Variants in MAGI1 observed in about 807,000 individuals in gnomAD.
MAGI1 encodes the protein membrane associated guanylate kinase, WW and PDZ domain containing 1.
MAGI1 carries 58 observed loss-of-function variants against 139.9 expected under a neutral mutation model. The observed-to-expected ratio is 0.41, with a 90% CI of 0.34 to 0.52. The LOEUF is 0.52. Among genes scored for constraint, MAGI1 ranks in the 20% least tolerant of loss-of-function variants. The pLI is 0.12. For missense variants in MAGI1, 1,874 were observed against 1,901.6 expected (o/e 0.99, Z 0.27); for synonymous variants, 812 against 737.9 (o/e 1.10, Z -1.63).
intron 2 of MAGI1, among the ~76,000 whole-genome samples, chr3:65,555,223 C>A (rs1576306512): frequency 6.6e-6 from 1 of 152,174 alleles, no homozygotes. Flanking sequence ...CCATGCTAGG[C>A]CCTTCCAGAG....
chr3:65,508,025 C>A (rs1324959239), intron 2 of MAGI1, among the ~76,000 whole-genome samples: 1 of 152,142 alleles, frequency 6.6e-6, no homozygotes, highest in Non-Finnish European at 1.5e-5. Flanking sequence ...GGTCTTTACC[C>A]ACACTGACTT....
At chr3:65,994,273 C>CAAAAAAAAAA (rs35940908) in intron 1 of MAGI1, among the ~76,000 whole-genome samples, 6 of 109,376 alleles carry the variant, frequency 5.5e-5, no homozygotes, top group African/African-American at 2.3e-4. Flanking sequence ...GACTCCATCT[C>CAAAAAAAAAA]AAAAAAAAAA....
intron 5 of MAGI1, among the ~76,000 whole-genome samples, chr3:65,466,961 C>T (rs1007688203): frequency 6.6e-6 from 1 of 152,184 alleles, no homozygotes; most frequent in African/African-American, 2.4e-5. Flanking sequence ...TGTAGGATGC[C>T]CCTTTCCTGA....
chr3:65,704,026 G>A (rs548084531), intron 1 of MAGI1, among the ~76,000 whole-genome samples: 18 of 152,208 alleles, frequency 1.2e-4, no homozygotes, highest in Middle Eastern at 3.4e-3. Flanking sequence ...CTTACTTTGC[G>A]TTTTAAGGGT....
chr3:65,386,394 C>T lies in MAGI1; in HGVS notation c.2417-2771G>A, dbSNP rs184578928. Among the ~76,000 whole-genome samples the T allele has an allele frequency of 1.8e-4, 27 of 152,246 alleles. No individual in the cohort carries two copies. The East Asian group carries it at 4.4e-3, about 25-fold the overall frequency. On this transcript the variant is annotated intron_variant, in intron 14 of 22. Transcript: ENST00000402939. ...GTGAGCCAGAAAACACAGACATAAA[C>T]GTCGACACACAGACACGTTACAAAG...
intron 2 of MAGI1, among the ~76,000 whole-genome samples, chr3:65,530,286 A>G (rs576738080): frequency 6.6e-6 from 1 of 152,036 alleles, no homozygotes; most frequent in Non-Finnish European, 1.5e-5. Context: ...CATCCATGTC[A>G]CTGAATTAGG....
chr3:65,812,464 T>TCACACACACACA (rs1266501515), intron 1 of MAGI1, among the ~76,000 whole-genome samples: 168 of 93,750 alleles, frequency 1.8e-3, no homozygotes, highest in African/African-American at 5.7e-3. Context: ...TCTCTCTCTC[T>TCACACACACACA]CTCTCACACA....
chr3:65,383,837 C>A (rs530572090), intron 14 of MAGI1, among the ~76,000 whole-genome samples: 1 of 152,334 alleles, frequency 6.6e-6, no homozygotes, highest in South Asian at 2.1e-4. Context: ...AAGTTCTTCA[C>A]AGGACCCATC....
chr3:65,644,955 C>T (rs2085177738), intron 1 of MAGI1, among the ~76,000 whole-genome samples: 1 of 150,900 alleles, frequency 6.6e-6, no homozygotes, highest in African/African-American at 2.4e-5. Context: ...CGAGATTACA[C>T]CAGTACACTC....
At chr3:65,870,231 C>T (rs1407905075) in intron 1 of MAGI1, among the ~76,000 whole-genome samples, 2 of 145,784 alleles carry the variant, frequency 1.4e-5, no homozygotes, top group Non-Finnish European at 3.0e-5. Flanking sequence ...CACTGAGATA[C>T]TTTTTTTTTT....
At chr3:65,596,085 T>A (rs980561886) in intron 2 of MAGI1, among the ~76,000 whole-genome samples, 5 of 152,070 alleles carry the variant, frequency 3.3e-5, no homozygotes, top group African/African-American at 1.2e-4. Context: ...ACGAAAAGAA[T>A]CCAACTTCAT....
intron 2 of MAGI1, among the ~76,000 whole-genome samples, chr3:65,615,775 A>T (rs2106986172): frequency 6.6e-6 from 1 of 152,290 alleles, no homozygotes; most frequent in East Asian, 1.9e-4. Context: ...TAATCCCATG[A>T]TTTTTTAATT....
intron 1 of MAGI1, among the ~76,000 whole-genome samples, chr3:65,987,479 C>T (rs189765726): frequency 1.6e-4 from 25 of 152,288 alleles, no homozygotes; most frequent in Admixed American, 1.6e-3. Context: ...AGGGTAGGAA[C>T]TAGGGTGAGG....
intron 13 of MAGI1, among the ~76,000 whole-genome samples, chr3:65,399,837 T>C (rs1230228415): frequency 6.6e-6 from 1 of 152,114 alleles, no homozygotes; most frequent in African/African-American, 2.4e-5. Context: ...ATTACAAAAA[T>C]CCTTTGCACA....
At chr3:65,466,350 G>A (rs968067104) in intron 5 of MAGI1, among the ~76,000 whole-genome samples, 3 of 152,076 alleles carry the variant, frequency 2.0e-5, no homozygotes, top group Admixed American at 1.3e-4. Flanking sequence ...TAGGGGTCTG[G>A]ATCTTAAACC....
chr3:65,822,970 C>A (rs1344685888), intron 1 of MAGI1, among the ~76,000 whole-genome samples: 3 of 152,110 alleles, frequency 2.0e-5, no homozygotes, highest in African/African-American at 7.2e-5. Context: ...TATCACCAAC[C>A]AAATACAATG....
rs1180962724 is a variant in MAGI1 at position 65,778,451 on chromosome 3, A to AAAAAAAG, written c.314-156364_314-156363insCTTTTTT. Among the ~76,000 whole-genome samples the AAAAAAAG allele has an allele frequency of 7.0e-4, 43 of 61,388 alleles. 2 individuals are homozygous for AAAAAAAG. The highest frequency in any genetic ancestry group is 2.2e-3 in the Admixed American group (11 of 4,964). The allele number at this position is 61,388 out of a possible 152,430, so 40.3% of individuals were successfully genotyped here. On this transcript the variant is annotated intron_variant, in intron 1 of 22. Coordinates refer to ENST00000402939, the MANE Select transcript of MAGI1 (RefSeq NM_001033057.2). Reference sequence around the variant, plus strand: ...GTCTCAAAAAAAAAAAAAATAAATAAATAAGTCTTTTGAGAAATGCAGGAA... The same window carrying AAAAAAAG: ...GTCTCAAAAAAAAAAAAAATAAATAAAAAAAAGATAAGTCTTTTGAGAAATGCAGGAA...
rs527699162 is a variant in MAGI1, at chr3:65,668,851, C to T, written c.314-46763G>A. Among the ~76,000 whole-genome samples the T allele has an allele frequency of 3.9e-5, 6 of 151,940 alleles. No individual in the cohort carries two copies. The South Asian group carries it at 8.3e-4, about 21-fold the overall frequency. On this transcript the variant is annotated intron_variant, in intron 1 of 22. Transcript: ENST00000402939. ...ACAGGTGTGAGCCACTGTGCCCAGC[C>T]GCCATTTAGTCCATTCTTAAAGAAC...
At chr3:65,495,353 T>C (rs561653268) in intron 2 of MAGI1, among the ~76,000 whole-genome samples, 1 of 152,350 alleles carries the variant, frequency 6.6e-6, no homozygotes, top group South Asian at 2.1e-4. Context: ...GTAGACATTA[T>C]AGTTTATGTT....
Sources: allele counts gnomAD v4.1 joint callset (sites outside exome capture counted in the v4.1 genomes callset), GRCh38; gene constraint gnomAD v4.1.1; transcripts MANE v1.5; gene names NCBI Gene and HGNC (gene_info 2026-07-23, HGNC 2026-07-21).